The following NCOA2 variants were observed in gnomAD, a reference collection of about 807,000 sequenced individuals.
NCOA2 encodes the protein nuclear receptor coactivator 2.
A neutral mutation model predicts 145.1 loss-of-function variants in NCOA2; 21 were observed. That is an observed-to-expected ratio of 0.14 (90% CI 0.10 to 0.21). NCOA2 has a LOEUF of 0.21. NCOA2 is among the 10% of genes least tolerant of loss of function. The pLI is 1.00. For synonymous variants in NCOA2, 619 were observed against 637.5 expected (o/e 0.97, Z 0.44); for missense variants, 1,472 against 1,837.6 (o/e 0.80, Z 3.64).
chr8:70,138,962 T>C (rs367849687), intron 14 of NCOA2, among the ~76,000 whole-genome samples: 3 of 152,206 alleles, frequency 2.0e-5, no homozygotes, highest in African/African-American at 7.2e-5. Context: ...AGTATGAAAA[T>C]AGTTTTGGCC....
At chr8:70,343,042 T>A (rs1159106732) in intron 1 of NCOA2, among the ~76,000 whole-genome samples, 8 of 152,118 alleles carry the variant, frequency 5.3e-5, no homozygotes, top group Non-Finnish European at 1.0e-4. Context: ...GAAAGATAAA[T>A]ATTTAGTATC....
In NCOA2 at chr8:70,214,747, A is replaced by G. The variant is rs114419299; in HGVS notation, c.87-672T>C. 4.2e-3 allele frequency among the ~76,000 whole-genome samples: 644 copies of G among 152,270 alleles called. 5 individuals carry two copies. The highest frequency in any genetic ancestry group is 0.015 in the African/African-American group (620 of 41,556). On this transcript the variant is annotated intron_variant, in intron 3 of 22. Transcript: ENST00000452400. ...TAAAAAGTTAATGGAATGGAAAAATATCAAAAGAGGCAAAATCTTCCATTA... is the reference window on the plus strand; with the variant it reads ...TAAAAAGTTAATGGAATGGAAAAATGTCAAAAGAGGCAAAATCTTCCATTA...
At chr8:70,386,056 C>T (rs540830421) in intron 1 of NCOA2, among the ~76,000 whole-genome samples, 263 of 152,272 alleles carry the variant, frequency 1.7e-3, no homozygotes, top group African/African-American at 5.6e-3. Flanking sequence ...CCAGTAATCT[C>T]CACACTTCTC....
chr8:70,314,836 G>C (rs192319310), intron 1 of NCOA2, among the ~76,000 whole-genome samples: 11 of 152,280 alleles, frequency 7.2e-5, no homozygotes, highest in Middle Eastern at 3.4e-3. Context: ...CAAGAGAAAC[G>C]CAAGTGTGCT....
At chr8:70,167,551 A>G (rs747886717) in intron 6 of NCOA2, among the ~76,000 whole-genome samples, 4 of 152,152 alleles carry the variant, frequency 2.6e-5, no homozygotes, top group Non-Finnish European at 5.9e-5. Context: ...ATTTTACAGA[A>G]ACTTTAGTAT....
chr8:70,356,587 C>T (rs1473436642), intron 1 of NCOA2, among the ~76,000 whole-genome samples: 1 of 152,128 alleles, frequency 6.6e-6, no homozygotes, highest in Non-Finnish European at 1.5e-5. Context: ...AATAAATATC[C>T]TTTTTCCTAA....
chr8:70,155,208 A>G (rs1812148878), intron 11 of NCOA2, among the ~76,000 whole-genome samples: 1 of 152,186 alleles, frequency 6.6e-6, no homozygotes, highest in Non-Finnish European at 1.5e-5. Context: ...TATCAGTTCA[A>G]TCTTTCTTTC....
chr8:70,436,181 T>C, the NCOA2 span, among the ~76,000 whole-genome samples: 22,800 of 152,216 alleles, frequency 0.15, 2,118 homozygotes, highest in African/African-American at 0.25. Context: ...TTTATTTCCA[T>C]GTCTCATATT....
intron 2 of NCOA2, among the ~76,000 whole-genome samples, chr8:70,250,376 G>A (rs187883654): frequency 1.7e-5 from 2 of 118,502 alleles, no homozygotes; most frequent in Non-Finnish European, 3.3e-5. Context: ...CTGGTTGACA[G>A]AGTGAGACCC....
At chr8:70,254,776 G>A (rs1040531807) in intron 2 of NCOA2, among the ~76,000 whole-genome samples, 5 of 152,130 alleles carry the variant, frequency 3.3e-5, no homozygotes, top group Non-Finnish European at 5.9e-5. Context: ...AAAAAATTGT[G>A]AAGATGGATG....
chr8:70,172,969 G>T (rs1814421246), intron 5 of NCOA2, among the ~76,000 whole-genome samples: 1 of 152,060 alleles, frequency 6.6e-6, no homozygotes, highest in Non-Finnish European at 1.5e-5. Flanking sequence ...CTATGCCTAG[G>T]AACAGCTCCA....
chr8:70,403,682 G>A lies in NCOA2; in HGVS notation c.-77+18C>T, dbSNP rs71517442. ...GCCCCCCGCCCGCCCTCGCGGCCCCGGGGGAAGGCGCGGTTACCGGCTCGG... is the reference window on the plus strand; with the variant it reads ...GCCCCCCGCCCGCCCTCGCGGCCCCAGGGGAAGGCGCGGTTACCGGCTCGG... On this transcript the variant is annotated intron_variant, in intron 1 of 22. Coordinates refer to ENST00000452400, the MANE Select transcript of NCOA2 (RefSeq NM_006540.4). The A allele has an allele frequency of 0.13, 49,618 of 385,272 alleles. 5,123 individuals carry two copies. The highest frequency in any genetic ancestry group is 0.45 in the East Asian group (12,363 of 27,188). 23.9% of individuals were successfully genotyped at this position (385,272 alleles called of 1,614,324 possible). A position where few individuals can be genotyped will look rare whatever the true frequency, so the allele number is the denominator to read the frequency against.
the NCOA2 span, among the ~76,000 whole-genome samples, chr8:70,449,006 G>T: frequency 6.6e-6 from 1 of 151,954 alleles, no homozygotes; most frequent in East Asian, 1.9e-4. Flanking sequence ...GGGTCTTACT[G>T]TGTTGTCCAG....
intron 4 of NCOA2, among the ~76,000 whole-genome samples, chr8:70,189,064 CTTTT>C (rs949934294): frequency 1.3e-3 from 200 of 152,080 alleles, no homozygotes; most frequent in Non-Finnish European, 9.4e-4. Context: ...TTCTTTCTTC[CTTTT>C]TTGCCAACAG....
chr8:70,379,960 A>G (rs1183132375), intron 1 of NCOA2, among the ~76,000 whole-genome samples: 1 of 152,142 alleles, frequency 6.6e-6, no homozygotes, highest in African/African-American at 2.4e-5. Context: ...AAAGGTGTCA[A>G]TGAGTATGAA....
the NCOA2 span, among the ~76,000 whole-genome samples, chr8:70,412,849 G>T: frequency 2.0e-5 from 3 of 151,934 alleles, no homozygotes; most frequent in Non-Finnish European, 4.4e-5. Context: ...TATAATCCCA[G>T]CACTTTAGGA....
At chr8:70,196,593 T>C (rs914116158) in intron 4 of NCOA2, among the ~76,000 whole-genome samples, 2 of 152,134 alleles carry the variant, frequency 1.3e-5, no homozygotes, top group Admixed American at 6.5e-5. Context: ...ACATAAGATT[T>C]AAGGTTTTTA....
chr8:70,133,526 G>C (rs1055895544), intron 15 of NCOA2, among the ~76,000 whole-genome samples: 2 of 152,110 alleles, frequency 1.3e-5, no homozygotes, highest in African/African-American at 4.8e-5. Context: ...ATCTAGCCTA[G>C]AGGAGGCTTT....
At chr8:70,263,917 T>TA (rs138406184) in intron 2 of NCOA2, among the ~76,000 whole-genome samples, 1 of 151,720 alleles carries the variant, frequency 6.6e-6, no homozygotes. Flanking sequence ...AATTAAGTCT[T>TA]AAAAAAAACA....
Sources: gnomAD v4.1 joint callset for allele counts (sites outside exome capture counted in the v4.1 genomes callset) on GRCh38, gnomAD v4.1.1 for gene constraint, MANE v1.5 for transcripts, NCBI Gene and HGNC (gene_info 2026-07-23, HGNC 2026-07-21) for gene names.